Variants in UNC13C observed in about 807,000 individuals in gnomAD.
UNC13C encodes unc-13 homolog C.
In UNC13C, 174 loss-of-function variants were observed where a neutral mutation model predicts 245.4. The ratio of observed to expected loss-of-function variants is 0.71; its 90% CI spans 0.63 to 0.80. The LOEUF (loss-of-function observed/expected upper bound fraction) is 0.80, where lower values mean the gene tolerates loss of function less well. UNC13C is among the 30% of genes least tolerant of loss of function. The probability of loss-of-function intolerance (pLI) is 0.00; values close to 1 mark genes in which losing one functional copy is unlikely to be tolerated. For missense variants in UNC13C, 2,829 were observed against 2,602.9 expected (o/e 1.09, Z -1.89); for synonymous variants, 992 against 895.1 (o/e 1.11, Z -1.93).
intron 19 of UNC13C, among the ~76,000 whole-genome samples, chr15:54,438,140 T>C (rs1468450524): frequency 6.6e-6 from 1 of 151,892 alleles, no homozygotes; most frequent in Non-Finnish European, 1.5e-5. Context: ...AAAGGACACA[T>C]GTCTGGAACA....
chr15:53,943,641 C>T, the UNC13C span, among the ~76,000 whole-genome samples: 1 of 152,062 alleles, frequency 6.6e-6, no homozygotes, highest in Non-Finnish European at 1.5e-5. Context: ...AGTTAAACTT[C>T]CAGGGTTTTT....
intron 19 of UNC13C, among the ~76,000 whole-genome samples, chr15:54,491,856 A>T (rs1168893390): frequency 2.0e-5 from 3 of 151,966 alleles, no homozygotes; most frequent in African/African-American, 7.3e-5. Context: ...CGGGCGTGGT[A>T]GCGGGCGCCT....
chr15:53,849,347 A>G, the UNC13C span, among the ~76,000 whole-genome samples: 1 of 151,886 alleles, frequency 6.6e-6, no homozygotes, highest in African/African-American at 2.4e-5. Context: ...TCCACTATCA[A>G]TGTATTATTT....
At chr15:54,124,216 G>A (rs551562549) in intron 2 of UNC13C, among the ~76,000 whole-genome samples, 3 of 152,242 alleles carry the variant, frequency 2.0e-5, no homozygotes, top group Non-Finnish European at 4.4e-5. Context: ...ATGCCTAAAT[G>A]TGTAATGGCT....
At position 54,056,022 on chromosome 15, in the gene UNC13C, A is replaced by C. The variant is rs182299983; in HGVS notation, c.2983+40136A>C. ...CTGATTACAAGAGCATGTAAGTCCCAATTGAGTACAAGCAAAAAAATGTCA... is the reference window on the plus strand; with the variant it reads ...CTGATTACAAGAGCATGTAAGTCCCCATTGAGTACAAGCAAAAAAATGTCA... On this transcript the variant is annotated intron_variant, in intron 2 of 32. Transcript: ENST00000260323. Among the ~76,000 whole-genome samples the C allele has an allele frequency of 1.6e-4, 24 of 152,236 alleles. No individual in the cohort carries two copies. The East Asian group carries it at 4.3e-3, about 27-fold the overall frequency.
In UNC13C at chr15:54,129,198, A is replaced by G. The variant is rs142502416; in HGVS notation, c.2984-13820A>G. On this transcript the variant is annotated intron_variant, in intron 2 of 32. Coordinates refer to ENST00000260323, the MANE Select transcript of UNC13C (RefSeq NM_001080534.3). Reference sequence around the variant, plus strand: ...AGTGGAAGTTCCACTAATGAATTTTACATTGTTAAAGCACGGTTTTATCAC... The same window carrying G: ...AGTGGAAGTTCCACTAATGAATTTTGCATTGTTAAAGCACGGTTTTATCAC... Among the ~76,000 whole-genome samples the G allele has an allele frequency of 3.3e-3, 508 of 152,304 alleles. 6 individuals are homozygous for G. Among genetic ancestry groups the G allele is most frequent in the African/African-American group, 0.012 (487 of 41,568 alleles).
the UNC13C span, among the ~76,000 whole-genome samples, chr15:53,951,254 A>T: frequency 2.4e-4 from 37 of 152,348 alleles, no homozygotes; most frequent in Non-Finnish European, 4.6e-4. Context: ...GGGAGTCAGC[A>T]TACAAGCTGA....
At chr15:54,624,058 G>C (rs1900981782) in intron 32 of UNC13C, 104 bp downstream of exon 32, 2 of 1,422,282 alleles carry the variant, frequency 1.4e-6, no homozygotes, top group Non-Finnish European at 1.9e-6. Context: ...AATGAAGAAG[G>C]CTCTGTTTTT....
intron 30 of UNC13C, among the ~76,000 whole-genome samples, chr15:54,594,836 C>T (rs1898987266): frequency 6.6e-6 from 1 of 152,168 alleles, no homozygotes; most frequent in African/African-American, 2.4e-5. Flanking sequence ...CAGTGGGTAC[C>T]CCGAGTCCAG....
the UNC13C span, among the ~76,000 whole-genome samples, chr15:53,921,345 TAAG>T: frequency 6.6e-6 from 1 of 152,322 alleles, no homozygotes; most frequent in Admixed American, 6.5e-5. Context: ...CCATTTATAA[TAAG>T]AAAAAGCTGC....
chr15:54,321,418 T>C (rs2038155072), intron 13 of UNC13C: 1 of 496,002 alleles, frequency 2.0e-6, no homozygotes, highest in Non-Finnish European at 4.0e-6. Flanking sequence ...GAGACAGCTC[T>C]CTTTGTTTCC....
chr15:54,131,420 G>C lies in UNC13C; in HGVS notation c.2984-11598G>C, dbSNP rs545839322. Among the ~76,000 whole-genome samples the C allele has an allele frequency of 2.0e-5, 3 of 152,164 alleles. No individual in the cohort carries two copies. In the South Asian group the frequency reaches 6.2e-4, roughly 32 times the overall value. On this transcript the variant is annotated intron_variant, in intron 2 of 32. Transcript: ENST00000260323. ...CCTGATCTACTATTTACTTTCCATG[G>C]TTTCAGTCACCCATGGTCAACAGTG...
chr15:54,350,869 A>G lies in UNC13C; in HGVS notation c.4713+12380A>G, dbSNP rs573929285. Among the ~76,000 whole-genome samples the G allele has an allele frequency of 2.0e-5, 3 of 152,224 alleles. No individual in the cohort carries two copies. The East Asian group carries it at 5.8e-4, about 29-fold the overall frequency. ...AGATGGTTTTCCTTCACAAATGGTG[A>G]TAGGAAAAAATGAATTCATCTACAA... On this transcript the variant is annotated intron_variant, in intron 17 of 32. Transcript: ENST00000260323.
intron 1 of UNC13C, among the ~76,000 whole-genome samples, chr15:54,007,331 G>T (rs971963251): frequency 6.6e-6 from 1 of 152,098 alleles, no homozygotes; most frequent in Non-Finnish European, 1.5e-5. Flanking sequence ...AAAGTCAAGT[G>T]ATTCAATAGC....
chr15:54,109,274 C>G (rs1194386548), intron 2 of UNC13C, among the ~76,000 whole-genome samples: 1 of 68,544 alleles, frequency 1.5e-5, no homozygotes, highest in African/African-American at 6.1e-5. Context: ...CCCTCTCCTC[C>G]CCTCCCCTCC....
intron 2 of UNC13C, among the ~76,000 whole-genome samples, chr15:54,101,673 C>G (rs1482784945): frequency 6.6e-6 from 1 of 151,960 alleles, no homozygotes; most frequent in African/African-American, 2.4e-5. Flanking sequence ...CTCTGTGTCC[C>G]AAGTTCAAGC....
At chr15:54,436,158 T>G (rs781671684) in intron 19 of UNC13C, among the ~76,000 whole-genome samples, 49 of 152,148 alleles carry the variant, frequency 3.2e-4, no homozygotes, top group Non-Finnish European at 5.6e-4. Context: ...AGTTCAACTA[T>G]TATGGAAGAC....
chr15:54,455,775 T>A (rs185699000), intron 19 of UNC13C, among the ~76,000 whole-genome samples: 36 of 152,248 alleles, frequency 2.4e-4, no homozygotes, highest in African/African-American at 7.7e-4. Context: ...ATTAGTTATT[T>A]GTCAAATGCA....
At chr15:53,844,050 G>A in the UNC13C span, among the ~76,000 whole-genome samples, 1 of 152,172 alleles carries the variant, frequency 6.6e-6, no homozygotes. Flanking sequence ...ATATAAAAAG[G>A]GGAACTGATA....
Sources: gnomAD v4.1 joint callset for allele counts (sites outside exome capture counted in the v4.1 genomes callset) on GRCh38, gnomAD v4.1.1 for gene constraint, MANE v1.5 for transcripts, NCBI Gene and HGNC (gene_info 2026-07-23, HGNC 2026-07-21) for gene names.